The following C21orf91 variants were observed in gnomAD, a reference collection of about 807,000 sequenced individuals.
C21orf91 encodes chromosome 21 open reading frame 91, also known as protein EURL homolog.
C21orf91 carries 26 observed loss-of-function variants against 32.9 expected under a neutral mutation model. The observed-to-expected ratio is 0.79, with a 90% confidence interval of 0.58 to 1.10. The LOEUF (loss-of-function observed/expected upper bound fraction) is 1.10. C21orf91 is among the 50% of genes least tolerant of loss of function. The pLI is 0.00. For synonymous variants in C21orf91, 126 were observed against 120.4 expected (o/e 1.05, Z -0.31); for missense variants, 310 against 341.3 (o/e 0.91, Z 0.72).
intron 2 of C21orf91, among the ~76,000 whole-genome samples, chr21:17,809,618 A>G (rs1213866670): frequency 6.6e-6 from 1 of 152,172 alleles, no homozygotes; most frequent in African/African-American, 2.4e-5. Context: ...AGTGTCTATT[A>G]TACTTCATAG....
At chr21:17,811,152 T>C (rs1404161153) in intron 2 of C21orf91, among the ~76,000 whole-genome samples, 1 of 144,660 alleles carries the variant, frequency 6.9e-6, no homozygotes, top group African/African-American at 2.8e-5. Context: ...CCTGGACATT[T>C]TGGAATCAGA....
At chr21:17,798,926 C>T (rs375034266) in intron 2 of C21orf91, among the ~76,000 whole-genome samples, 2 of 152,290 alleles carry the variant, frequency 1.3e-5, no homozygotes, top group East Asian at 3.9e-4. Flanking sequence ...CTGAAGCTTG[C>T]CTATTACTAA....
At chr21:17,799,457 C>T (rs1465362323) in intron 2 of C21orf91, among the ~76,000 whole-genome samples, 1 of 152,118 alleles carries the variant, frequency 6.6e-6, no homozygotes, top group African/African-American at 2.4e-5. Context: ...AAGGAAGAAA[C>T]CTGGGTGTCC....
At chr21:17,813,227 T>TA (rs1269465223) in intron 2 of C21orf91, among the ~76,000 whole-genome samples, 1 of 152,210 alleles carries the variant, frequency 6.6e-6, no homozygotes, top group African/African-American at 2.4e-5. Context: ...GGAAAAAAGT[T>TA]AGTGTCAGAA....
Position 17,816,221 on chromosome 21 carries a change from T to C in C21orf91, c.127+1971A>G, listed in dbSNP as rs1231088000. ...TATGATTTCAAAAACAAAGGACTTA[T>C]TCCATGCTTACATGCTGAGATATTA... On this transcript the variant is annotated intron_variant, in intron 2 of 4. Coordinates refer to ENST00000284881, the MANE Select transcript of C21orf91 (RefSeq NM_001100420.2). Among the ~76,000 whole-genome samples, 3 of 152,206 alleles carry C rather than the reference T, an allele frequency of 2.0e-5. No homozygotes were observed. The South Asian group carries it at 6.2e-4, about 32-fold the overall frequency.
In C21orf91 at chr21:17,791,010, A is replaced by G. The variant is rs1220936923; in HGVS notation, c.*2405T>C. On this transcript the variant is annotated 3_prime_UTR_variant, in exon 5 of 5. Coordinates refer to ENST00000284881, the MANE Select transcript of C21orf91 (RefSeq NM_001100420.2). ...CTTCAAAACATTCTCAAAAATTACT[A>G]ACAACTGTAGAGAATAGCCAAGTGT... The G allele has an allele frequency of 1.3e-5, 2 of 152,126 alleles. No homozygotes were observed. Among genetic ancestry groups the G allele is most frequent in the Admixed American group, 6.6e-5 (1 of 15,266 alleles). 9.4% of individuals were successfully genotyped at this position (152,126 alleles called of 1,614,324 possible).
chr21:17,812,004 G>A (rs576358051), intron 2 of C21orf91, among the ~76,000 whole-genome samples: 17 of 151,810 alleles, frequency 1.1e-4, no homozygotes, highest in African/African-American at 2.9e-4. Flanking sequence ...AATTTTAAAC[G>A]CACCCTAGAC....
At position 17,790,758 on chromosome 21, in the gene C21orf91, T is replaced by C. The variant is rs550399561; in HGVS notation, c.*2657A>G. The C allele has an allele frequency of 5.3e-5, 8 of 152,222 alleles. No individual in the cohort carries two copies. Among genetic ancestry groups the C allele is most frequent in the Middle Eastern group, 3.4e-3 (1 of 294 alleles). The allele number at this position is 152,222 out of a possible 1,614,324, so 9.4% of individuals were successfully genotyped here. A position where few individuals can be genotyped will look rare whatever the true frequency, so the allele number is the denominator to read the frequency against. ...ATGATAATCTCAAAGTAAAACATAA[T>C]TGATTTTTAGCTTCATTATAAGGCT... On this transcript the variant is annotated 3_prime_UTR_variant, in exon 5 of 5. Transcript: ENST00000284881.
At chr21:17,812,579 G>A (rs777271610) in intron 2 of C21orf91, among the ~76,000 whole-genome samples, 2 of 152,186 alleles carry the variant, frequency 1.3e-5, no homozygotes, top group African/African-American at 4.8e-5. Context: ...GGAGGCCGAG[G>A]TGGGTGCATC....
chr21:17,817,727 G>C (rs1009182760), intron 2 of C21orf91: 1 of 152,024 alleles, frequency 6.6e-6, no homozygotes, highest in Non-Finnish European at 1.5e-5. Context: ...ACTGAAAAGA[G>C]GTTAATCTAA....
At chr21:17,800,579 C>T (rs2146251512) in intron 2 of C21orf91, among the ~76,000 whole-genome samples, 1 of 152,306 alleles carries the variant, frequency 6.6e-6, no homozygotes, top group East Asian at 1.9e-4. Flanking sequence ...CAAGCGTAAA[C>T]AGCTCTGAGC....
intron 2 of C21orf91, among the ~76,000 whole-genome samples, chr21:17,813,514 T>A (rs2062646274): frequency 6.6e-6 from 1 of 152,200 alleles, no homozygotes; most frequent in South Asian, 2.1e-4. Flanking sequence ...TAGAAAGAAC[T>A]AACTGAAAGT....
intron 2 of C21orf91, among the ~76,000 whole-genome samples, chr21:17,808,665 G>T (rs957319981): frequency 6.6e-6 from 1 of 152,238 alleles, no homozygotes; most frequent in Non-Finnish European, 1.5e-5. Context: ...CTTATAGACA[G>T]AAAGGACTTG....
At chr21:17,794,517 T>C (rs1234277986) in intron 4 of C21orf91, among the ~76,000 whole-genome samples, 2 of 152,230 alleles carry the variant, frequency 1.3e-5, no homozygotes, top group African/African-American at 4.8e-5. Flanking sequence ...GGTAGTGCAA[T>C]GGGAATGGAT....
intron 2 of C21orf91, among the ~76,000 whole-genome samples, chr21:17,808,488 G>A (rs1167554801): frequency 2.0e-5 from 3 of 152,232 alleles, no homozygotes; most frequent in African/African-American, 7.2e-5. Context: ...TTGTGGCACT[G>A]CCTAGTGGAG....
chr21:17,796,477 C>T, intron 3 of C21orf91, 105 bp downstream of exon 3: 1 of 868,524 alleles, frequency 1.2e-6, no homozygotes, highest in Non-Finnish European at 1.8e-6. Flanking sequence ...CAATGTTTCC[C>T]AAATCTATGA....
chr21:17,796,990 C>T lies in C21orf91; in HGVS notation c.256G>A (p.Val86Ile). 1 of 1,613,696 alleles carries T rather than the reference C, an allele frequency of 6.2e-7. No homozygotes were observed. The highest frequency in any genetic ancestry group is 1.3e-5 in the African/African-American group (1 of 75,054). Reference sequence around the variant, plus strand: ...ATCTTCTTACTCAAAATGGTTTTAACTTCTTCATAAGTACTTTTTGAAAGC... The same window carrying T: ...ATCTTCTTACTCAAAATGGTTTTAATTTCTTCATAAGTACTTTTTGAAAGC... ...SKLSKSTYEE[V>I]KTILSKKINW... is the part of the protein sequence containing the mutation. The change falls in exon 3 of 5, where the codon GTT becomes ATT. Residue 86 changes from valine to isoleucine, a missense_variant. Coordinates refer to ENST00000284881, the MANE Select transcript of C21orf91 (RefSeq NM_001100420.2).
At position 17,799,287 on chromosome 21, in the gene C21orf91, A is replaced by G. The variant is rs572197243; in HGVS notation, c.128-2169T>C. Among the ~76,000 whole-genome samples the G allele has an allele frequency of 1.3e-3, 197 of 152,234 alleles. 4 individuals carry two copies. The South Asian group carries it at 0.04, about 31-fold the overall frequency. On this transcript the variant is annotated intron_variant, in intron 2 of 4. Transcript: ENST00000284881. ...TAATGAGGACTTGTAATGTTTATCTACTGTTTCTTCTTAATGATTCATATA... is the reference window on the plus strand; with the variant it reads ...TAATGAGGACTTGTAATGTTTATCTGCTGTTTCTTCTTAATGATTCATATA...
intron 2 of C21orf91, among the ~76,000 whole-genome samples, chr21:17,801,831 CTTAAAGTA>C (rs1191452337): frequency 6.7e-6 from 1 of 148,864 alleles, no homozygotes; most frequent in East Asian, 2.0e-4. Flanking sequence ...TATCCCAGAA[CTTAAAGTA>C]TTAAAAAAAA....
Sources: allele counts gnomAD v4.1 joint callset (sites outside exome capture counted in the v4.1 genomes callset), GRCh38; gene constraint gnomAD v4.1.1; transcripts MANE v1.5; gene names NCBI Gene and HGNC (gene_info 2026-07-23, HGNC 2026-07-21).